JAKMIP2: variants seen among roughly 807,000 people sequenced by gnomAD.
The protein encoded by JAKMIP2 is janus kinase and microtubule interacting protein 2.
JAKMIP2 carries 25 observed loss-of-function variants against 115.0 expected under a neutral mutation model. That is an observed-to-expected ratio of 0.22 (90% CI 0.16 to 0.30). The LOEUF (loss-of-function observed/expected upper bound fraction) is 0.30. JAKMIP2 is among the 10% of genes least tolerant of loss of function. The pLI is 1.00. For missense variants in JAKMIP2, 642 were observed against 957.6 expected, an observed-to-expected ratio of 0.67 and a Z score of 4.35; for synonymous variants, 334 against 343.6, an observed-to-expected ratio of 0.97 and a Z score of 0.31.
chr5:147,644,982 C>T lies in JAKMIP2; in HGVS notation c.951G>A (p.Arg317=), dbSNP rs1409706047. 2 of 1,612,600 alleles carry T rather than the reference C, an allele frequency of 1.2e-6. No homozygotes were observed. Among genetic ancestry groups the T allele is most frequent in the Admixed American group, 3.4e-5 (2 of 59,606 alleles). The change falls in exon 6 of 22, where the codon CGG becomes CGA. Residue 317 remains arginine, a synonymous_variant. Transcript: ENST00000616793. ...DERNELLKRV[R]ETEKQCKPLL... is the part of the protein sequence containing the mutation. ...GAGGTTTACATTGCTTTTCGGTTTC[C>T]CGCACACGTTTTAACTGGGAAGAAA...
At chr5:147,764,920 A>AGAGAGAGAGAG (rs1755066006) in intron 1 of JAKMIP2, among the ~76,000 whole-genome samples, 1 of 39,464 alleles carries the variant, frequency 2.5e-5, no homozygotes, top group Non-Finnish European at 4.4e-5. Flanking sequence ...GAAAGAAAGA[A>AGAGAGAGAGAG]AGAGAGAGAG....
At chr5:147,634,043 T>C (rs1463811429) in intron 12 of JAKMIP2, among the ~76,000 whole-genome samples, 2 of 152,216 alleles carry the variant, frequency 1.3e-5, no homozygotes, top group Admixed American at 6.5e-5. Context: ...CAATGGATGT[T>C]GAGCTTCCCT....
chr5:147,757,466 G>A (rs1754788439), intron 1 of JAKMIP2, among the ~76,000 whole-genome samples: 1 of 152,022 alleles, frequency 6.6e-6, no homozygotes, highest in African/African-American at 2.4e-5. Context: ...TAGCTTTCAT[G>A]AAACAAGAGA....
chr5:147,762,969 T>C (rs1449322960), intron 1 of JAKMIP2, among the ~76,000 whole-genome samples: 3 of 151,914 alleles, frequency 2.0e-5, no homozygotes, highest in African/African-American at 7.3e-5. Flanking sequence ...GCCAGGAGAG[T>C]TTGAGAATGA....
At chr5:147,708,985 A>C (rs1382499154) in intron 1 of JAKMIP2, among the ~76,000 whole-genome samples, 1 of 152,212 alleles carries the variant, frequency 6.6e-6, no homozygotes, top group Admixed American at 6.5e-5. Flanking sequence ...TTTCCTTGTT[A>C]AAATCATCCT....
chr5:147,629,810 A>C, intron 14 of JAKMIP2, 64 bp from the exon 15 acceptor site: 1 of 1,293,250 alleles, frequency 7.7e-7, no homozygotes, highest in South Asian at 1.3e-5. Flanking sequence ...TCAGTGCCTG[A>C]ACATGAAGTT....
intron 1 of JAKMIP2, among the ~76,000 whole-genome samples, chr5:147,742,497 C>T (rs746209342): frequency 6.6e-6 from 1 of 151,850 alleles, no homozygotes; most frequent in Non-Finnish European, 1.5e-5. Flanking sequence ...AGTCTAGCTC[C>T]CATGAAGTTT....
intron 17 of JAKMIP2, among the ~76,000 whole-genome samples, chr5:147,621,621 T>C (rs1458634678): frequency 1.3e-5 from 2 of 152,180 alleles, no homozygotes; most frequent in Non-Finnish European, 2.9e-5. Flanking sequence ...GAAGAGAAAT[T>C]GTTCATTTGG....
At chr5:147,652,831 G>A (rs1435367170) in intron 3 of JAKMIP2, among the ~76,000 whole-genome samples, 1 of 152,048 alleles carries the variant, frequency 6.6e-6, no homozygotes, top group Non-Finnish European at 1.5e-5. Flanking sequence ...CATGCATTAG[G>A]TGTTTGTCCT....
chr5:147,718,017 T>C (rs1206202501), intron 1 of JAKMIP2, among the ~76,000 whole-genome samples: 1 of 103,776 alleles, frequency 9.6e-6, no homozygotes, highest in Non-Finnish European at 1.9e-5. Flanking sequence ...TTGAAATACG[T>C]CCCATCAATA....
Position 147,646,499 on chromosome 5 carries a change from A to G in JAKMIP2, c.937-1503T>C, listed in dbSNP as rs150557334. Among the ~76,000 whole-genome samples the G allele has an allele frequency of 1.9e-3, 292 of 152,264 alleles. 2 individuals are homozygous for G. Among genetic ancestry groups the G allele is most frequent in the African/African-American group, 6.8e-3 (283 of 41,576 alleles). On this transcript the variant is annotated intron_variant, in intron 5 of 21. Transcript: ENST00000616793. ...GCAGATATACATAAAGAAAATATCT[A>G]TAATTCTATCACATCATACATCAAT...
At chr5:147,775,360 C>T (rs1189816539) in intron 1 of JAKMIP2, among the ~76,000 whole-genome samples, 1 of 152,142 alleles carries the variant, frequency 6.6e-6, no homozygotes, top group African/African-American at 2.4e-5. Context: ...GGTAGAGTAG[C>T]TTTCTAAAAT....
Position 147,661,048 on chromosome 5 carries a change from G to C in JAKMIP2, c.527C>G (p.Ala176Gly), listed in dbSNP as rs139460004. The change falls in exon 3 of 22, where the codon GCA becomes GGA. Residue 176 changes from alanine (A) to glycine (G), a missense_variant. Around this residue, in one of 6 missense-constraint regions of JAKMIP2, gnomAD observed 439 missense variants for 570.9 expected, o/e 0.77. Coordinates refer to ENST00000616793, the MANE Select transcript of JAKMIP2 (RefSeq NM_001270941.2). ...AAGGTCCCCAGCCTTGATTTTATCT[G>C]CTTGGATCATATTGCTCAGAGCCTC... is the stretch of plus-strand genomic sequence containing the variant. ...VDEALSNMIQ[A>G]DKIKAGDLRS... is the part of the protein sequence containing the mutation. The C allele has an allele frequency of 1.1e-5, 17 of 1,613,894 alleles. No homozygotes were observed. Among genetic ancestry groups the C allele is most frequent in the Non-Finnish European group, 1.3e-5 (15 of 1,180,030 alleles).
intron 1 of JAKMIP2, among the ~76,000 whole-genome samples, chr5:147,748,760 C>T (rs562020084): frequency 2.6e-5 from 4 of 152,248 alleles, no homozygotes; most frequent in African/African-American, 9.6e-5. Flanking sequence ...CTAGCCCTAA[C>T]CAGTTTTTCA....
chr5:147,592,830 A>G (rs1755163581), intron 21 of JAKMIP2, among the ~76,000 whole-genome samples: 1 of 152,200 alleles, frequency 6.6e-6, no homozygotes, highest in Admixed American at 6.5e-5. Context: ...TAGTACCCCA[A>G]GGATACTTCT....
chr5:147,692,817 TAA>T (rs752717640), intron 1 of JAKMIP2, among the ~76,000 whole-genome samples: 1 of 152,174 alleles, frequency 6.6e-6, no homozygotes, highest in African/African-American at 2.4e-5. Flanking sequence ...ATGGTCTTTT[TAA>T]AAGTCTATGG....
At chr5:147,761,926 G>A (rs1754942684) in intron 1 of JAKMIP2, among the ~76,000 whole-genome samples, 1 of 151,952 alleles carries the variant, frequency 6.6e-6, no homozygotes, top group Non-Finnish European at 1.5e-5. Context: ...TTTACAATCT[G>A]AATAAGTTTA....
At chr5:147,621,944 T>G (rs1158440649) in intron 17 of JAKMIP2, among the ~76,000 whole-genome samples, 20 of 152,202 alleles carry the variant, frequency 1.3e-4, no homozygotes, top group Admixed American at 1.3e-3. Context: ...CTCGGCTCAC[T>G]GCAAACTCCG....
intron 1 of JAKMIP2, among the ~76,000 whole-genome samples, chr5:147,750,326 CAT>C (rs1754502360): frequency 6.6e-6 from 1 of 152,138 alleles, no homozygotes; most frequent in Non-Finnish European, 1.5e-5. Flanking sequence ...ACACAATCCT[CAT>C]ATGACGCCTT....
Sources: gnomAD v4.1 joint callset for allele counts (sites outside exome capture counted in the v4.1 genomes callset) on GRCh38, gnomAD v4.1.1 for gene constraint, gnomAD v4.1.1 regional missense constraint, MANE v1.5 for transcripts, NCBI Gene and HGNC (gene_info 2026-07-23, HGNC 2026-07-21) for gene names.